IMPG1: variants seen among roughly 807,000 people sequenced by gnomAD.
The protein encoded by IMPG1 is interphotoreceptor matrix proteoglycan of 150 kDa.
A neutral mutation model predicts 92.0 loss-of-function variants in IMPG1; 85 were observed. The ratio of observed to expected loss-of-function variants is 0.92; its 90% CI spans 0.78 to 1.11. The LOEUF is 1.11. IMPG1 is among the 50% of genes least tolerant of loss of function. The pLI is 0.00. For missense variants in IMPG1, 1,022 were observed against 956.0 expected, an observed-to-expected ratio of 1.07 and a Z score of -0.91; for synonymous variants, 367 against 334.1, an observed-to-expected ratio of 1.10 and a Z score of -1.08.
intron 7 of IMPG1, among the ~76,000 whole-genome samples, chr6:76,015,663 G>A (rs1783272452): frequency 6.6e-6 from 1 of 151,878 alleles, no homozygotes; most frequent in African/African-American, 2.4e-5. Flanking sequence ...AGCCAGCCTT[G>A]GTGGTGCCTG....
chr6:75,958,899 G>T (rs753697917), intron 12 of IMPG1, among the ~76,000 whole-genome samples: 1 of 151,914 alleles, frequency 6.6e-6, no homozygotes, highest in Non-Finnish European at 1.5e-5. Context: ...CTCATTCTCC[G>T]TCCAGTTTTG....
chr6:76,024,984 T>G (rs1344722885), intron 5 of IMPG1: 1 of 606,992 alleles, frequency 1.6e-6, no homozygotes, highest in Admixed American at 2.2e-5. Flanking sequence ...TGTAAGATAT[T>G]GAATGGTTTG....
At position 75,991,538 on chromosome 6, in the gene IMPG1, G is replaced by A. The variant is rs117531662; in HGVS notation, c.1291+11380C>T. On this transcript the variant is annotated intron_variant, in intron 12 of 16. Transcript: ENST00000369950. Reference sequence around the variant, plus strand: ...ACACCATGTCTCGATCACTTGAGAAGTGATTAATGGGAGAATGGAAAATTG... The same window carrying A: ...ACACCATGTCTCGATCACTTGAGAAATGATTAATGGGAGAATGGAAAATTG... Among the ~76,000 whole-genome samples, 77 of 152,316 alleles carry A rather than the reference G, an allele frequency of 5.1e-4. No individual in the cohort carries two copies. The East Asian group carries it at 0.012, about 23-fold the overall frequency.
intron 15 of IMPG1, among the ~76,000 whole-genome samples, chr6:75,930,085 G>A (rs545182185): frequency 2.1e-4 from 32 of 152,280 alleles, no homozygotes; most frequent in Non-Finnish European, 2.8e-4. Flanking sequence ...GTCCCTTTCT[G>A]CTCATAAGGC....
intron 1 of IMPG1, among the ~76,000 whole-genome samples, chr6:76,046,705 C>T (rs1325248699): frequency 6.6e-6 from 1 of 152,124 alleles, no homozygotes; most frequent in East Asian, 1.9e-4. Flanking sequence ...AATAATACCT[C>T]CCTTACAGGG....
intron 5 of IMPG1, among the ~76,000 whole-genome samples, chr6:76,024,171 A>C (rs1288436385): frequency 1.3e-5 from 2 of 152,192 alleles, no homozygotes; most frequent in African/African-American, 4.8e-5. Flanking sequence ...AGCTGAACTT[A>C]GGAGAAAATT....
intron 12 of IMPG1, among the ~76,000 whole-genome samples, chr6:76,002,222 C>A (rs1232374137): frequency 1.3e-5 from 2 of 152,118 alleles, no homozygotes; most frequent in African/African-American, 4.8e-5. Context: ...GCCACTAAAT[C>A]AGCTATTTTT....
rs774413589 is a variant in IMPG1, at chr6:76,034,716, C to G, written c.373G>C (p.Asp125His). 1 of 1,614,084 alleles carries G rather than the reference C, an allele frequency of 6.2e-7. No individual in the cohort carries two copies. Among genetic ancestry groups the G allele is most frequent in the Admixed American group, 1.7e-5 (1 of 60,028 alleles). ...TCCTGCTGGCAGATGCTGACCCAGT[C>G]CTGATATTCCCCTGTGTCAGGGATG... is the stretch of plus-strand genomic sequence containing the variant. ...DRIPDTGEYQ[D>H]WVSICQQETF... The change falls in exon 3 of 17, where the codon GAC (aspartate) becomes CAC (histidine). Residue 125 changes from aspartate to histidine, a missense_variant. Transcript: ENST00000369950.
intron 12 of IMPG1, among the ~76,000 whole-genome samples, chr6:75,953,568 C>A (rs532045635): frequency 1.3e-5 from 2 of 151,642 alleles, no homozygotes; most frequent in Admixed American, 1.3e-4. Context: ...CATCCATGTC[C>A]CAGCAAATGA....
Position 75,938,469 on chromosome 6 carries a change from A to G in IMPG1, c.2045-7318T>C, listed in dbSNP as rs111988522. ...AAATTTTGCAAATGATACTAAATAA[A>G]TTATCTGGGCATTGCCTGTAAATAC... On this transcript the variant is annotated intron_variant, in intron 14 of 16. Coordinates refer to ENST00000369950, the MANE Select transcript of IMPG1 (RefSeq NM_001563.4). Among the ~76,000 whole-genome samples the G allele has an allele frequency of 6.1e-3, 934 of 152,318 alleles. 8 individuals carry two copies. Among genetic ancestry groups the G allele is most frequent in the African/African-American group, 0.021 (886 of 41,560 alleles).
intron 4 of IMPG1, among the ~76,000 whole-genome samples, chr6:76,028,180 C>T (rs567194704): frequency 1.2e-3 from 190 of 152,228 alleles, no homozygotes; most frequent in Non-Finnish European, 1.9e-3. Flanking sequence ...TGGAGATAAC[C>T]AAATTTGTCA....
chr6:75,985,756 T>C (rs762015739), intron 12 of IMPG1, among the ~76,000 whole-genome samples: 4 of 152,168 alleles, frequency 2.6e-5, no homozygotes, highest in Non-Finnish European at 4.4e-5. Flanking sequence ...CTTCCTTCGG[T>C]TTGTGCTGAG....
chr6:76,048,928 G>A (rs1783990077), intron 1 of IMPG1, among the ~76,000 whole-genome samples: 2 of 152,178 alleles, frequency 1.3e-5, no homozygotes, highest in South Asian at 4.1e-4. Flanking sequence ...GTTCACAATA[G>A]CAAAGACATG....
chr6:76,012,680 T>C (rs914169465), intron 7 of IMPG1, among the ~76,000 whole-genome samples: 4 of 152,146 alleles, frequency 2.6e-5, no homozygotes, highest in African/African-American at 9.7e-5. Context: ...ATCCCTTTCC[T>C]CTCTTCCCTG....
At chr6:75,958,749 CT>C (rs1782168894) in intron 12 of IMPG1, among the ~76,000 whole-genome samples, 1 of 152,078 alleles carries the variant, frequency 6.6e-6, no homozygotes, top group Non-Finnish European at 1.5e-5. Context: ...CTTCTCTAAA[CT>C]GGTTATTCTA....
At chr6:75,965,771 C>A (rs1244073015) in intron 12 of IMPG1, among the ~76,000 whole-genome samples, 2 of 152,006 alleles carry the variant, frequency 1.3e-5, no homozygotes, top group African/African-American at 4.8e-5. Flanking sequence ...TCACGCCCAG[C>A]TAATTTTTTG....
chr6:75,935,559 A>G (rs1038182440), intron 14 of IMPG1, among the ~76,000 whole-genome samples: 1 of 151,984 alleles, frequency 6.6e-6, no homozygotes, highest in African/African-American at 2.4e-5. Flanking sequence ...CCCCTTCCCC[A>G]CTTACCACCA....
chr6:75,966,813 GACA>G (rs1417799951), intron 12 of IMPG1, among the ~76,000 whole-genome samples: 1 of 152,100 alleles, frequency 6.6e-6, no homozygotes, highest in Non-Finnish European at 1.5e-5. Context: ...CCTTCAATAA[GACA>G]ACAACATAAC....
At chr6:75,947,777 ATGG>A (rs1196372336) in intron 13 of IMPG1, among the ~76,000 whole-genome samples, 1 of 151,818 alleles carries the variant, frequency 6.6e-6, no homozygotes, top group Non-Finnish European at 1.5e-5. Context: ...GATTTTTTTC[ATGG>A]TGAATTGTGA....
Sources: gnomAD v4.1 joint callset for allele counts (sites outside exome capture counted in the v4.1 genomes callset) on GRCh38, gnomAD v4.1.1 for gene constraint, MANE v1.5 for transcripts, NCBI Gene and HGNC (gene_info 2026-07-23, HGNC 2026-07-21) for gene names.